Variants in MACROD2 observed in about 807,000 individuals in gnomAD.
MACROD2 encodes ADP-ribose glycohydrolase MACROD2.
MACROD2 carries 36 observed loss-of-function variants against 70.4 expected under a neutral mutation model. The ratio of observed to expected loss-of-function variants is 0.51; its 90% CI spans 0.39 to 0.68. The LOEUF (loss-of-function observed/expected upper bound fraction) is 0.68, where lower values mean the gene tolerates loss of function less well. Among genes scored for constraint, MACROD2 ranks in the 30% least tolerant of loss-of-function variants. The probability of loss-of-function intolerance (pLI) is 0.00; values close to 1 mark genes in which losing one functional copy is unlikely to be tolerated. For synonymous variants in MACROD2, 172 were observed against 178.8 expected, an observed-to-expected ratio of 0.96 and a Z score of 0.30; for missense variants, 496 against 538.4, an observed-to-expected ratio of 0.92 and a Z score of 0.78.
intron 4 of MACROD2, among the ~76,000 whole-genome samples, chr20:14,668,791 A>G (rs943645164): frequency 6.6e-6 from 1 of 152,054 alleles, no homozygotes; most frequent in Non-Finnish European, 1.5e-5. Context: ...GCACATTTCC[A>G]TGAAAATTTA....
At chr20:14,097,586 T>C (rs1371524249) in intron 3 of MACROD2, among the ~76,000 whole-genome samples, 4 of 152,218 alleles carry the variant, frequency 2.6e-5, no homozygotes, top group African/African-American at 9.6e-5. Context: ...ATTTTAAATA[T>C]GCCTATTCAA....
intron 6 of MACROD2, among the ~76,000 whole-genome samples, chr20:15,283,421 C>T (rs1013020979): frequency 6.6e-6 from 1 of 152,134 alleles, no homozygotes; most frequent in African/African-American, 2.4e-5. Context: ...ATCTGTAATC[C>T]CTGCCCTTTG....
At chr20:14,372,299 A>G (rs2083332619) in intron 3 of MACROD2, among the ~76,000 whole-genome samples, 1 of 152,214 alleles carries the variant, frequency 6.6e-6, no homozygotes. Flanking sequence ...TAATACAGAT[A>G]TCCTAAATAA....
chr20:14,277,407 C>A (rs1285520134), intron 3 of MACROD2, among the ~76,000 whole-genome samples: 3 of 152,196 alleles, frequency 2.0e-5, no homozygotes, highest in Non-Finnish European at 4.4e-5. Flanking sequence ...CACGCCACTG[C>A]ACTCCAGCGT....
chr20:14,716,211 G>T lies in MACROD2; in HGVS notation c.418+31252G>T, dbSNP rs140503109. Among the ~76,000 whole-genome samples the T allele has an allele frequency of 2.3e-3, 345 of 152,276 alleles. 1 individual carries two copies. The highest frequency in any genetic ancestry group is 8.1e-3 in the African/African-American group (335 of 41,558). On this transcript the variant is annotated intron_variant, in intron 5 of 17. Coordinates refer to ENST00000684519, the MANE Select transcript of MACROD2 (RefSeq NM_001351661.2). ...ATTTTTCTTCATGATCCAAATAAAA[G>T]ATAGTTTTTTAAATGTGAGGTGGCA...
chr20:15,940,180 G>T (rs983910516), intron 12 of MACROD2, among the ~76,000 whole-genome samples: 1 of 151,850 alleles, frequency 6.6e-6, no homozygotes, highest in Non-Finnish European at 1.5e-5. Context: ...TGCAACCTCC[G>T]CCTCCCAGGT....
intron 6 of MACROD2, among the ~76,000 whole-genome samples, chr20:15,246,508 A>ATT (rs542370897): frequency 6.6e-6 from 1 of 151,370 alleles, no homozygotes; most frequent in African/African-American, 2.4e-5. Context: ...CCATCTTTTT[A>ATT]TTTTTTTTTA....
At chr20:14,285,417 G>A (rs773872157) in intron 3 of MACROD2, among the ~76,000 whole-genome samples, 152 of 152,198 alleles carry the variant, frequency 1.0e-3, no homozygotes, top group African/African-American at 2.9e-3. Context: ...AAAAAGTTTC[G>A]AATTTTGGAG....
chr20:14,177,802 T>A (rs924646526), intron 3 of MACROD2, among the ~76,000 whole-genome samples: 2 of 152,134 alleles, frequency 1.3e-5, no homozygotes, highest in Non-Finnish European at 2.9e-5. Flanking sequence ...AAGAACTAGA[T>A]CACCATTTGG....
At chr20:14,896,849 C>T (rs2073836402) in intron 5 of MACROD2, among the ~76,000 whole-genome samples, 1 of 145,362 alleles carries the variant, frequency 6.9e-6, no homozygotes. Context: ...TTTTTAATCA[C>T]CTTCAAAAAA....
chr20:15,507,283 CTTCT>C (rs2047437467), intron 8 of MACROD2, among the ~76,000 whole-genome samples: 2 of 151,286 alleles, frequency 1.3e-5, no homozygotes, highest in African/African-American at 4.9e-5. Context: ...CCCTCCTTTC[CTTCT>C]GTCTCCCTCC....
intron 12 of MACROD2, among the ~76,000 whole-genome samples, chr20:15,950,908 T>C (rs2147365160): frequency 6.6e-6 from 1 of 152,288 alleles, no homozygotes; most frequent in East Asian, 1.9e-4. Context: ...ATTAACTAAA[T>C]GTGATTTTGT....
chr20:15,406,833 C>G (rs2046009124), intron 6 of MACROD2, among the ~76,000 whole-genome samples: 1 of 152,174 alleles, frequency 6.6e-6, no homozygotes, highest in Non-Finnish European at 1.5e-5. Context: ...ATTAAGTACC[C>G]TGGCCCTCTT....
At chr20:14,349,757 T>A (rs950775906) in intron 3 of MACROD2, among the ~76,000 whole-genome samples, 1 of 150,854 alleles carries the variant, frequency 6.6e-6, no homozygotes, top group Non-Finnish European at 1.5e-5. Context: ...TCATGTAATA[T>A]AATGACCTTC....
intron 6 of MACROD2, among the ~76,000 whole-genome samples, chr20:15,344,485 G>A (rs183483928): frequency 6.6e-6 from 1 of 152,284 alleles, no homozygotes; most frequent in Admixed American, 6.5e-5. Flanking sequence ...GCAATCAGGG[G>A]TTTGACCGCT....
chr20:14,443,299 CTTT>C (rs34612697), intron 3 of MACROD2, among the ~76,000 whole-genome samples: 2 of 136,090 alleles, frequency 1.5e-5, no homozygotes, highest in Non-Finnish European at 3.2e-5. Context: ...ATTACCTATG[CTTT>C]TTTTTTTTTT....
chr20:14,912,689 G>C (rs2074042183), intron 5 of MACROD2, among the ~76,000 whole-genome samples: 1 of 152,146 alleles, frequency 6.6e-6, no homozygotes, highest in African/African-American at 2.4e-5. Context: ...GAAGACTAAG[G>C]CATGAAGGAT....
chr20:14,278,889 A>G (rs572585704), intron 3 of MACROD2, among the ~76,000 whole-genome samples: 12 of 152,288 alleles, frequency 7.9e-5, no homozygotes, highest in African/African-American at 2.6e-4. Flanking sequence ...AGAGTTACAT[A>G]TTGTTTTAAA....
intron 5 of MACROD2, among the ~76,000 whole-genome samples, chr20:15,059,927 AAAG>A (rs1445041560): frequency 6.6e-6 from 1 of 152,226 alleles, no homozygotes; most frequent in African/African-American, 2.4e-5. Flanking sequence ...GAAGTCAGAA[AAAG>A]AAGATGACAC....
Sources: allele counts gnomAD v4.1 joint callset (sites outside exome capture counted in the v4.1 genomes callset), GRCh38; gene constraint gnomAD v4.1.1; transcripts MANE v1.5; gene names NCBI Gene and HGNC (gene_info 2026-07-23, HGNC 2026-07-21).